The following SEL1L3 variants were observed in gnomAD, a reference collection of about 807,000 sequenced individuals.
SEL1L3 encodes protein sel-1 homolog 3.
A neutral mutation model predicts 142.8 loss-of-function variants in SEL1L3; 76 were observed. That is an observed-to-expected ratio of 0.53 (90% CI 0.44 to 0.64). The LOEUF is 0.64. Among genes scored for constraint, SEL1L3 ranks in the 30% least tolerant of loss-of-function variants. The probability of loss-of-function intolerance (pLI) is 0.00; values close to 1 mark genes in which losing one functional copy is unlikely to be tolerated. For synonymous variants in SEL1L3, 504 were observed against 519.6 expected (o/e 0.97, Z 0.41); for missense variants, 1,262 against 1,381.7 (o/e 0.91, Z 1.37).
intron 1 of SEL1L3, among the ~76,000 whole-genome samples, chr4:25,849,514 C>T (rs1055079371): frequency 3.9e-5 from 6 of 152,044 alleles, no homozygotes; most frequent in Non-Finnish European, 1.5e-5. Context: ...AAAGAGGTTA[C>T]CAGGGCCTAA....
At chr4:25,763,455 G>A (rs368987656) in intron 20 of SEL1L3, among the ~76,000 whole-genome samples, 5 of 152,224 alleles carry the variant, frequency 3.3e-5, no homozygotes, top group Middle Eastern at 3.4e-3. Flanking sequence ...TTAGTGACTC[G>A]CCATGAACAA....
chr4:25,797,643 G>T (rs188600550), intron 11 of SEL1L3, among the ~76,000 whole-genome samples: 1 of 152,210 alleles, frequency 6.6e-6, no homozygotes, highest in African/African-American at 2.4e-5. Flanking sequence ...AACGAAACAC[G>T]GGTCCCCTCG....
At chr4:25,779,015 C>G (rs1719822812) in intron 16 of SEL1L3, 61 bp downstream of exon 16, 3 of 1,467,564 alleles carry the variant, frequency 2.0e-6, no homozygotes, top group Non-Finnish European at 2.7e-6. Context: ...AAAAAATGCT[C>G]AGGCACAGAG....
At chr4:25,736,096 T>A in the SEL1L3 span, among the ~76,000 whole-genome samples, 1 of 152,060 alleles carries the variant, frequency 6.6e-6, no homozygotes, top group Non-Finnish European at 1.5e-5. Flanking sequence ...CCCAAAGTGC[T>A]AGGATTACAG....
chr4:25,760,199 G>A (rs1336995607), intron 20 of SEL1L3, among the ~76,000 whole-genome samples: 1 of 152,136 alleles, frequency 6.6e-6, no homozygotes, highest in Non-Finnish European at 1.5e-5. Context: ...TGCATAGTTT[G>A]CTATGGATAA....
At chr4:25,714,512 C>CTTTCTTTA in the SEL1L3 span, among the ~76,000 whole-genome samples, 3 of 67,648 alleles carry the variant, frequency 4.4e-5, no homozygotes, top group Non-Finnish European at 1.1e-4. Flanking sequence ...TTCTTTCTTT[C>CTTTCTTTA]TTTCTTTCTT....
chr4:25,819,999 C>T, intron 7 of SEL1L3, 59 bp from the exon 8 acceptor site: 2 of 1,504,306 alleles, frequency 1.3e-6, no homozygotes, highest in East Asian at 2.4e-5. Flanking sequence ...CCATCCACCT[C>T]TAGGAGGATG....
intron 2 of SEL1L3, among the ~76,000 whole-genome samples, chr4:25,841,152 C>T (rs1418340906): frequency 6.6e-6 from 1 of 152,152 alleles, no homozygotes; most frequent in Non-Finnish European, 1.5e-5. Flanking sequence ...CCCACCTCAG[C>T]CCCCCAAGTA....
chr4:25,756,949 A>G (rs1394491901), intron 23 of SEL1L3: 7 of 1,259,588 alleles, frequency 5.6e-6, no homozygotes, highest in Non-Finnish European at 7.2e-6. Context: ...GTATTAGGTC[A>G]GTTTCTTAGG....
At chr4:25,777,858 A>T (rs1560292189) in intron 16 of SEL1L3, 1 of 456,214 alleles carries the variant, frequency 2.2e-6, no homozygotes, top group Admixed American at 2.3e-5. Flanking sequence ...TATCAGTGTG[A>T]GGGTGGCCTA....
chr4:25,807,661 C>A (rs1362196432), intron 9 of SEL1L3, among the ~76,000 whole-genome samples: 3 of 152,092 alleles, frequency 2.0e-5, no homozygotes, highest in Non-Finnish European at 4.4e-5. Context: ...TGGACCCGAG[C>A]TTTGTAGGCT....
At chr4:25,848,701 G>A (rs1319523410) in intron 1 of SEL1L3, among the ~76,000 whole-genome samples, 4 of 152,184 alleles carry the variant, frequency 2.6e-5, no homozygotes, top group Admixed American at 1.3e-4. Context: ...CACACACAAC[G>A]CATACACACA....
In SEL1L3 at chr4:25,848,326, G is replaced by A. The variant is rs111468713; in HGVS notation, c.163-462C>T. 2.1e-3 allele frequency among the ~76,000 whole-genome samples: 325 copies of A among 152,306 alleles called. 2 individuals carry two copies. The highest frequency in any genetic ancestry group is 7.4e-3 in the African/African-American group (307 of 41,560). The stretch of plus-strand genomic sequence containing the variant: ...GAAAAGTGAAAAGTGCACCCTCGAG[G>A]GAACATAACAGGGATGCCAACCTGG... On this transcript the variant is annotated intron_variant, in intron 1 of 23. Transcript: ENST00000399878.
rs1426771888 is a variant in SEL1L3 at position 25,788,425 on chromosome 4, T to A, written c.2077-61A>T. On this transcript the variant is annotated intron_variant, in intron 12 of 23. Coordinates refer to ENST00000399878, the MANE Select transcript of SEL1L3 (RefSeq NM_015187.5). The surrounding 1 kb of genome is among the most constrained non-coding windows in gnomAD (Gnocchi z 5.3). The stretch of plus-strand genomic sequence containing the variant: ...CCTGTATAATGCTTAACACAAGATT[T>A]TGAAAGGTGGGAGAGCAAACCTACT... 2 of 1,566,350 alleles carry A rather than the reference T, an allele frequency of 1.3e-6. No individual in the cohort carries two copies. The highest frequency in any genetic ancestry group is 2.3e-5 in the South Asian group (2 of 88,138).
chr4:25,862,564 A>C (rs2109335342), intron 1 of SEL1L3, 111 bp downstream of exon 1: 1 of 501,882 alleles, frequency 2.0e-6, no homozygotes, highest in South Asian at 9.1e-5. Context: ...AGGAAGAGAG[A>C]AAACTAGCAG....
chr4:25,790,477 G>T lies in SEL1L3; in HGVS notation c.2054C>A (p.Thr685Asn). 3 of 1,613,738 alleles carry T rather than the reference G, an allele frequency of 1.9e-6. No individual in the cohort carries two copies. Among genetic ancestry groups the T allele is most frequent in the Non-Finnish European group, 2.5e-6 (3 of 1,179,806 alleles). ...DVFMWLKHEA[T>N]RGNAAAQQRL... The stretch of plus-strand genomic sequence containing the variant: ...TACCTGAGCTGCTGCATTGCCTCGG[G>T]TAGCTTCATGCTTCAACCACATAAA... Residue 685 changes from threonine to asparagine, a missense_variant, in exon 12 of 24, where the codon ACC (threonine) becomes AAC (asparagine). Physicochemically the swap from Thr to Asn is moderately conservative, Grantham distance 65. Around this residue, in one of 3 missense-constraint regions of SEL1L3, gnomAD observed 435 missense variants for 559.2 expected, o/e 0.78. Transcript: ENST00000399878.
At chr4:25,717,258 G>A in the SEL1L3 span, among the ~76,000 whole-genome samples, 38 of 152,356 alleles carry the variant, frequency 2.5e-4, no homozygotes, top group East Asian at 3.5e-3. Context: ...CATAGAGGGA[G>A]GATGAACCTT....
Position 25,819,864 on chromosome 4 carries a change from T to A in SEL1L3, c.1367A>T (p.Glu456Val). 6.2e-7 allele frequency: 1 copy of A among 1,613,648 alleles called. No individual in the cohort carries two copies. Among genetic ancestry groups the A allele is most frequent in the South Asian group, 1.1e-5 (1 of 90,956 alleles). The change falls in exon 8 of 24, where the codon GAA becomes GTA. Residue 456 changes from glutamate (E) to valine (V), a missense_variant. Glu to Val is a moderately radical substitution (Grantham distance 121). This residue lies in a region of SEL1L3 where 689 missense variants were observed against 692.8 expected (regional missense o/e 0.99). Transcript: ENST00000399878. ...LYYERCAEVQ[E>V]IVSVYASAAK... ...TGCAGATGCATACACAGATACTATT[T>A]CTTGAACCTCAGCACACCTTTCATA...
intron 11 of SEL1L3, among the ~76,000 whole-genome samples, chr4:25,798,673 C>T (rs1712957981): frequency 6.6e-6 from 1 of 152,120 alleles, no homozygotes; most frequent in South Asian, 2.1e-4. Context: ...CCTAAAAATA[C>T]AAAAATTAGC....
Sources: allele counts gnomAD v4.1 joint callset (sites outside exome capture counted in the v4.1 genomes callset), GRCh38; gene constraint gnomAD v4.1.1; regional missense constraint gnomAD v4.1.1; non-coding constraint Gnocchi (gnomAD v3.1); transcripts MANE v1.5; gene names NCBI Gene and HGNC (gene_info 2026-07-23, HGNC 2026-07-21).